KYNU: variants seen among roughly 807,000 people sequenced by gnomAD.
KYNU encodes L-kynurenine hydrolase.
A neutral mutation model predicts 59.2 loss-of-function variants in KYNU; 54 were observed. The ratio of observed to expected loss-of-function variants is 0.91; its 90% CI spans 0.73 to 1.14. The LOEUF is 1.14. KYNU is among the 50% of genes most tolerant of loss of function. KYNU has a pLI of 0.00. For synonymous variants in KYNU, 177 were observed against 192.0 expected (o/e 0.92, Z 0.65); for missense variants, 567 against 554.4 (o/e 1.02, Z -0.23).
chr2:142,973,785 G>C (rs1165860053), intron 8 of KYNU, among the ~76,000 whole-genome samples: 1 of 152,092 alleles, frequency 6.6e-6, no homozygotes, highest in Non-Finnish European at 1.5e-5. Context: ...TTTAAAAAGA[G>C]ACAGACAGAA....
At chr2:142,901,300 G>C (rs113860553) in intron 2 of KYNU, among the ~76,000 whole-genome samples, 6,432 of 152,168 alleles carry the variant, frequency 0.042, 465 homozygotes, top group African/African-American at 0.15. Flanking sequence ...TCGGTGGCTA[G>C]CCATTCTGAG....
chr2:142,981,102 A>T (rs560126053), intron 8 of KYNU, among the ~76,000 whole-genome samples: 1 of 152,292 alleles, frequency 6.6e-6, no homozygotes, highest in East Asian at 1.9e-4. Flanking sequence ...TGGGGAAATA[A>T]TTACAAATGC....
chr2:142,960,629 AG>A lies in KYNU; in HGVS notation c.589del (p.Glu197LysfsTer3). 1.2e-6 allele frequency: 2 copies of A among 1,613,546 alleles called. No homozygotes were observed. The highest frequency in any genetic ancestry group is 1.7e-6 in the Non-Finnish European group (2 of 1,179,558). The part of the protein sequence containing the change: ...MRMIKPREGE[E>X]TLRIEDILEV... ...TTGTGCCTAACTTGATTTAGGGGGA[AG>A]AAACCTTAAGAATAGAGGATATCCT... On this transcript the variant is annotated frameshift_variant, in exon 8 of 14. Transcript: ENST00000264170. LOFTEE classifies it high-confidence loss of function.
chr2:142,938,671 C>T (rs1021496880), intron 4 of KYNU, among the ~76,000 whole-genome samples: 5 of 152,178 alleles, frequency 3.3e-5, no homozygotes, highest in African/African-American at 7.2e-5. Context: ...CTTGATTCAA[C>T]AACACTCATG....
At chr2:142,923,546 G>C (rs978106954) in intron 3 of KYNU, among the ~76,000 whole-genome samples, 1 of 152,154 alleles carries the variant, frequency 6.6e-6, no homozygotes, top group Non-Finnish European at 1.5e-5. Context: ...GGGAATAATA[G>C]TTTATATTAA....
chr2:142,889,689 A>G (rs1320813924), intron 2 of KYNU, among the ~76,000 whole-genome samples: 1 of 152,242 alleles, frequency 6.6e-6, no homozygotes, highest in African/African-American at 2.4e-5. Flanking sequence ...ATTCATCAGG[A>G]AACCAGTGTT....
intron 13 of KYNU, 25 bp from the exon 14 acceptor site, chr2:143,042,022 T>C (rs940495023): frequency 6.2e-7 from 1 of 1,610,104 alleles, no homozygotes; most frequent in Non-Finnish European, 8.5e-7. Context: ...GCTAACATTA[T>C]TGTGGCTTTA....
intron 4 of KYNU, among the ~76,000 whole-genome samples, chr2:142,953,732 C>T (rs1238098664): frequency 6.6e-6 from 1 of 152,206 alleles, no homozygotes; most frequent in African/African-American, 2.4e-5. Flanking sequence ...TCAACCTTGT[C>T]TGTCAAATGG....
chr2:142,889,752 G>C (rs1413615763), intron 2 of KYNU, among the ~76,000 whole-genome samples: 2 of 152,078 alleles, frequency 1.3e-5, no homozygotes, highest in Non-Finnish European at 2.9e-5. Context: ...AAGCATGTTG[G>C]ATTATTTTTG....
intron 2 of KYNU, among the ~76,000 whole-genome samples, chr2:142,894,969 T>G (rs1215231983): frequency 6.6e-6 from 1 of 152,162 alleles, no homozygotes; most frequent in Non-Finnish European, 1.5e-5. Flanking sequence ...CATACTTCTA[T>G]TTAACAAGTG....
chr2:143,041,564 A>G (rs969549228), intron 13 of KYNU, among the ~76,000 whole-genome samples: 1 of 152,036 alleles, frequency 6.6e-6, no homozygotes, highest in African/African-American at 2.4e-5. Context: ...AGTGATCTCT[A>G]GGCATGTCAA....
chr2:142,979,592 A>G (rs1021639087), intron 8 of KYNU, among the ~76,000 whole-genome samples: 2 of 152,088 alleles, frequency 1.3e-5, no homozygotes, highest in African/African-American at 4.8e-5. Flanking sequence ...TTATGTAAAT[A>G]GAGAGAAGTC....
intron 11 of KYNU, among the ~76,000 whole-genome samples, chr2:143,030,771 T>G (rs1208704037): frequency 1.5e-5 from 2 of 136,042 alleles, no homozygotes; most frequent in African/African-American, 5.2e-5. Flanking sequence ...TATTTCCTGA[T>G]AAGCCCATCA....
At position 143,049,766 on chromosome 2, in the gene KYNU, G is replaced by A. The variant is rs1687233368; in HGVS notation, c.*7594G>A. ...TGATAGTCCATATCTAATATATAAT[G>A]AATGTACAGTTGTTTCTGTTGGAGT... On this transcript the variant is annotated 3_prime_UTR_variant, in exon 14 of 14. Transcript: ENST00000264170. The A allele has an allele frequency of 6.6e-6, 1 of 152,094 alleles. No homozygotes were observed. Among genetic ancestry groups the A allele is most frequent in the Non-Finnish European group, 1.5e-5 (1 of 68,020 alleles). The allele number at this position is 152,094 out of a possible 1,614,324, so 9.4% of individuals were successfully genotyped here.
At chr2:142,953,434 A>G (rs1684058317) in intron 4 of KYNU, among the ~76,000 whole-genome samples, 1 of 152,232 alleles carries the variant, frequency 6.6e-6, no homozygotes, top group Non-Finnish European at 1.5e-5. Context: ...AACACCCAAT[A>G]TAGAGTTGCT....
chr2:142,904,417 C>G (rs1314320007), intron 2 of KYNU, among the ~76,000 whole-genome samples: 1 of 152,316 alleles, frequency 6.6e-6, no homozygotes, highest in African/African-American at 2.4e-5. Context: ...CTGTTGTCAT[C>G]CTATCATTGA....
chr2:143,037,730 T>G (rs1417093280), intron 12 of KYNU, among the ~76,000 whole-genome samples: 1 of 152,184 alleles, frequency 6.6e-6, no homozygotes, highest in Non-Finnish European at 1.5e-5. Context: ...AGTTTTCATT[T>G]TTTCTAATTT....
chr2:142,979,841 A>C (rs1685001438), intron 8 of KYNU, among the ~76,000 whole-genome samples: 1 of 152,168 alleles, frequency 6.6e-6, no homozygotes, highest in South Asian at 2.1e-4. Flanking sequence ...TCCCAATCCA[A>C]GAGACCCCAA....
chr2:142,962,258 G>A (rs1225614409), intron 8 of KYNU, among the ~76,000 whole-genome samples: 1 of 152,288 alleles, frequency 6.6e-6, no homozygotes, highest in South Asian at 2.1e-4. Flanking sequence ...ACAATCTGAG[G>A]TTCAAATCTT....
Sources: gnomAD v4.1 joint callset for allele counts (sites outside exome capture counted in the v4.1 genomes callset) on GRCh38, gnomAD v4.1.1 for gene constraint, MANE v1.5 for transcripts, NCBI Gene and HGNC (gene_info 2026-07-23, HGNC 2026-07-21) for gene names.